The following CADM1 variants were observed in gnomAD, a reference collection of about 807,000 sequenced individuals.
The protein encoded by CADM1 is TSLC-1.
In CADM1, 15 loss-of-function variants were observed where a neutral mutation model predicts 53.1. The observed-to-expected ratio is 0.28, with a 90% CI of 0.19 to 0.44. The LOEUF (loss-of-function observed/expected upper bound fraction) is 0.44. Among genes scored for constraint, CADM1 ranks in the 20% least tolerant of loss-of-function variants. The pLI is 1.00. For missense variants in CADM1, 434 were observed against 611.3 expected, an observed-to-expected ratio of 0.71 and a Z score of 3.06; for synonymous variants, 281 against 243.0, an observed-to-expected ratio of 1.16 and a Z score of -1.45.
Position 115,363,075 on chromosome 11 carries a change from A to T in CADM1, c.125-122655T>A, listed in dbSNP as rs1363604385. 3.3e-5 allele frequency among the ~76,000 whole-genome samples: 5 copies of T among 152,250 alleles called. No homozygotes were observed. The South Asian group carries it at 8.3e-4, about 25-fold the overall frequency. The stretch of plus-strand genomic sequence containing the variant: ...AAAATCACAGATTCACCCAATCCAG[A>T]TCAATCTTCCATTAAGAATCAATCT... On this transcript the variant is annotated intron_variant, in intron 1 of 11. Transcript: ENST00000331581.
At chr11:115,482,175 C>T (rs314512) in intron 1 of CADM1, among the ~76,000 whole-genome samples, 10,985 of 152,210 alleles carry the variant, frequency 0.072, 539 homozygotes, top group African/African-American at 0.13. Flanking sequence ...CTCCTACCTA[C>T]CTTTCAAGGC....
chr11:115,279,528 T>C (rs1264401876), intron 1 of CADM1, among the ~76,000 whole-genome samples: 2 of 152,222 alleles, frequency 1.3e-5, no homozygotes, highest in Non-Finnish European at 2.9e-5. Context: ...AGATTCTGTA[T>C]TAGATAATGC....
chr11:115,231,503 CAT>C lies in CADM1; in HGVS notation c.425-15_425-14del, dbSNP rs780235784. On this transcript the variant is annotated splice_polypyrimidine_tract_variant and intron_variant, in intron 3 of 11. Coordinates refer to ENST00000331581, the MANE Select transcript of CADM1 (RefSeq NM_001301043.2). The stretch of plus-strand genomic sequence containing the variant: ...TTACGTGGTGGGACTACAAATTAAA[CAT>C]ATGTGCTTTATAAACACAGAATGCA... 3.1e-6 allele frequency: 5 copies of C among 1,613,402 alleles called. No homozygotes were observed. Among genetic ancestry groups the C allele is most frequent in the Non-Finnish European group, 3.4e-6 (4 of 1,179,342 alleles).
intron 2 of CADM1, among the ~76,000 whole-genome samples, chr11:115,239,686 A>G (rs1417183214): frequency 6.6e-6 from 1 of 150,610 alleles, no homozygotes; most frequent in Non-Finnish European, 1.5e-5. Context: ...TTGGTTAGGC[A>G]CCGATGCTCT....
intron 1 of CADM1, among the ~76,000 whole-genome samples, chr11:115,246,196 T>C (rs1212535300): frequency 2.0e-5 from 3 of 152,190 alleles, no homozygotes; most frequent in South Asian, 2.1e-4. Context: ...ATGAATACTT[T>C]AGTATTTATC....
At chr11:115,389,300 C>A (rs560303243) in intron 1 of CADM1, among the ~76,000 whole-genome samples, 1 of 152,116 alleles carries the variant, frequency 6.6e-6, no homozygotes, top group Non-Finnish European at 1.5e-5. Flanking sequence ...ATGTAAACAA[C>A]AACAACAGAC....
At chr11:115,209,136 T>C (rs868760456) in intron 8 of CADM1, among the ~76,000 whole-genome samples, 19 of 152,306 alleles carry the variant, frequency 1.2e-4, no homozygotes, top group South Asian at 2.1e-4. Context: ...ATGCATTTAG[T>C]AGCATGGCCC....
At chr11:115,226,077 T>C (rs1355504425) in intron 5 of CADM1, among the ~76,000 whole-genome samples, 1 of 152,136 alleles carries the variant, frequency 6.6e-6, no homozygotes, top group Non-Finnish European at 1.5e-5. Context: ...AGTGATAACC[T>C]ATTGTTTCTC....
rs952718082 is a variant in CADM1 at position 115,175,993 on chromosome 11, A to G, written c.*481T>C. On this transcript the variant is annotated 3_prime_UTR_variant, in exon 12 of 12. Coordinates refer to ENST00000331581, the MANE Select transcript of CADM1 (RefSeq NM_001301043.2). ...ACTGAATTTGGAACAGAAAGCAGTT[A>G]CCATAAAAATAAACAAAAGTAAAAA... The G allele has an allele frequency of 7.7e-6, 8 of 1,038,162 alleles. No individual in the cohort carries two copies. The highest frequency in any genetic ancestry group is 9.3e-6 in the Non-Finnish European group (8 of 862,588). The allele number at this position is 1,038,162 out of a possible 1,614,324, so 64.3% of individuals were successfully genotyped here.
chr11:115,263,387 G>A (rs970304271), intron 1 of CADM1, among the ~76,000 whole-genome samples: 1 of 152,110 alleles, frequency 6.6e-6, no homozygotes, highest in African/African-American at 2.4e-5. Flanking sequence ...AATATTTGGG[G>A]GAAAATACTT....
intron 7 of CADM1, among the ~76,000 whole-genome samples, chr11:115,212,803 T>C (rs1041564915): frequency 6.6e-6 from 1 of 152,186 alleles, no homozygotes; most frequent in Non-Finnish European, 1.5e-5. Flanking sequence ...ATCTGTAAAA[T>C]GGGATCGTGA....
At chr11:115,477,899 T>C (rs1001559913) in intron 1 of CADM1, among the ~76,000 whole-genome samples, 1 of 152,212 alleles carries the variant, frequency 6.6e-6, no homozygotes, top group Non-Finnish European at 1.5e-5. Context: ...TCCTGCAGAA[T>C]ACAGATTCCA....
At chr11:115,306,922 T>C (rs1944390803) in intron 1 of CADM1, among the ~76,000 whole-genome samples, 1 of 151,974 alleles carries the variant, frequency 6.6e-6, no homozygotes, top group South Asian at 2.1e-4. Flanking sequence ...TATGGATGCA[T>C]TGCTTAATTA....
In CADM1 at chr11:115,173,189, T is replaced by C. The variant is rs556449398; in HGVS notation, c.*3285A>G. 3 of 152,210 alleles carry C rather than the reference T, an allele frequency of 2.0e-5. No individual in the cohort carries two copies. Among genetic ancestry groups the C allele is most frequent in the Admixed American group, 6.5e-5 (1 of 15,274 alleles). The allele number at this position is 152,210 out of a possible 1,614,324, so 9.4% of individuals were successfully genotyped here. On this transcript the variant is annotated 3_prime_UTR_variant, in exon 12 of 12. Transcript: ENST00000331581. ...CTTTCAAGGAAGAAGGCAGAATGAATTGTTAAGACACAAACTCCCAAAGTA... is the reference window on the plus strand; with the variant it reads ...CTTTCAAGGAAGAAGGCAGAATGAACTGTTAAGACACAAACTCCCAAAGTA...
chr11:115,370,882 A>T (rs1037135527), intron 1 of CADM1, among the ~76,000 whole-genome samples: 3 of 152,228 alleles, frequency 2.0e-5, no homozygotes, highest in Non-Finnish European at 4.4e-5. Flanking sequence ...TTAACTACCG[A>T]CAACTTAACC....
intron 8 of CADM1, among the ~76,000 whole-genome samples, chr11:115,205,023 A>G (rs1156350231): frequency 6.6e-6 from 1 of 152,218 alleles, no homozygotes; most frequent in African/African-American, 2.4e-5. Flanking sequence ...TTCTTATGAA[A>G]GGATTTTTTA....
chr11:115,465,421 A>G (rs528421070), intron 1 of CADM1, among the ~76,000 whole-genome samples: 1 of 152,288 alleles, frequency 6.6e-6, no homozygotes, highest in South Asian at 2.1e-4. Flanking sequence ...ATCAGTAGAA[A>G]TAAGATGTCT....
In CADM1 at chr11:115,421,229, CAG is replaced by C. The variant is rs58491538; in HGVS notation, c.124+83040_124+83041del. 6.6e-4 allele frequency among the ~76,000 whole-genome samples: 100 copies of C among 152,306 alleles called. 1 individual carries two copies. Among genetic ancestry groups the C allele is most frequent in the East Asian group, 6.0e-3 (31 of 5,190 alleles). On this transcript the variant is annotated intron_variant, in intron 1 of 11. Transcript: ENST00000331581. ...GAAACTAAAACCAAAAGCACAGAAA[CAG>C]AGAGTCAAACGGCCTTGCTAAAACA...
At chr11:115,219,756 C>T (rs914423223) in intron 5 of CADM1, among the ~76,000 whole-genome samples, 5 of 152,104 alleles carry the variant, frequency 3.3e-5, no homozygotes, top group Admixed American at 3.3e-4. Context: ...ACATATTAGG[C>T]TAACTACAAC....
Sources: allele counts gnomAD v4.1 joint callset (sites outside exome capture counted in the v4.1 genomes callset), GRCh38; gene constraint gnomAD v4.1.1; transcripts MANE v1.5; gene names NCBI Gene and HGNC (gene_info 2026-07-23, HGNC 2026-07-21).